LRP2: variants seen among roughly 807,000 people sequenced by gnomAD.
The protein encoded by LRP2 is LDL receptor related protein 2.
LRP2 carries 172 observed loss-of-function variants against 531.0 expected under a neutral mutation model. The ratio of observed to expected loss-of-function variants is 0.32; its 90% CI spans 0.29 to 0.37. LRP2 has a LOEUF of 0.37. Ranked by LOEUF, LRP2 falls within the 10% of genes least tolerant of loss-of-function variation. LRP2 has a pLI of 1.00. For synonymous variants in LRP2, 1,992 were observed against 2,027.6 expected, an observed-to-expected ratio of 0.98 and a Z score of 0.47; for missense variants, 5,167 against 5,868.3, an observed-to-expected ratio of 0.88 and a Z score of 3.90.
chr2:169,219,399 G>C lies in LRP2; in HGVS notation c.5648+1055C>G, dbSNP rs574269165. Among the ~76,000 whole-genome samples, 6 of 152,146 alleles carry C rather than the reference G, an allele frequency of 3.9e-5. No individual in the cohort carries two copies. The South Asian group carries it at 1.2e-3, about 32-fold the overall frequency. ...ATTTGTTATTCTGGTTTATAATATG[G>C]TATAGTAGATCAACAGAATGAAATA... On this transcript the variant is annotated intron_variant, in intron 34 of 78. Transcript: ENST00000649046.
At chr2:169,210,903 A>T (rs1052023582) in intron 37 of LRP2, among the ~76,000 whole-genome samples, 1 of 152,246 alleles carries the variant, frequency 6.6e-6, no homozygotes, top group African/African-American at 2.4e-5. Context: ...ACACACACAC[A>T]TACAAATTGA....
At chr2:169,247,558 A>T (rs757650797) in intron 19 of LRP2, 43 bp from the exon 20 acceptor site, 1 of 1,607,554 alleles carries the variant, frequency 6.2e-7, no homozygotes, top group Non-Finnish European at 8.5e-7. Context: ...AGTCACAGCT[A>T]ACTTATAAAT....
chr2:169,237,306 A>G lies in LRP2; in HGVS notation c.4507-19T>C. The G allele has an allele frequency of 6.4e-7, 1 of 1,573,640 alleles. No homozygotes were observed. The highest frequency in any genetic ancestry group is 1.3e-5 in the African/African-American group (1 of 74,248). ...CAAATACCTAAAGACAAAAGTGAATAAAGAGTGAATTCTAGAGCAAATAAA... is the reference window on the plus strand; with the variant it reads ...CAAATACCTAAAGACAAAAGTGAATGAAGAGTGAATTCTAGAGCAAATAAA... On this transcript the variant is annotated intron_variant, in intron 27 of 78. Coordinates refer to ENST00000649046, the MANE Select transcript of LRP2 (RefSeq NM_004525.3).
chr2:169,197,056 C>A, intron 45 of LRP2, 26 bp from the exon 46 acceptor site: 1 of 1,612,388 alleles, frequency 6.2e-7, no homozygotes, highest in Non-Finnish European at 8.5e-7. Flanking sequence ...AAGATAAAAC[C>A]CATGAGCAAA....
At chr2:169,243,800 G>C (rs181036182) in intron 22 of LRP2, among the ~76,000 whole-genome samples, 1 of 152,154 alleles carries the variant, frequency 6.6e-6, no homozygotes, top group East Asian at 1.9e-4. Context: ...TCATGTGCTT[G>C]GACTTGGACT....
Position 169,238,315 on chromosome 2 carries a change from A to G in LRP2, c.4295-13T>C. Reference sequence around the variant, plus strand: ...AGACTCTCAGATGCTGTTCAAGAAAAAAATGCAAAAATGTCAATGATACTG... The same window carrying G: ...AGACTCTCAGATGCTGTTCAAGAAAGAAATGCAAAAATGTCAATGATACTG... On this transcript the variant is annotated splice_polypyrimidine_tract_variant and intron_variant, in intron 26 of 78. Coordinates refer to ENST00000649046, the MANE Select transcript of LRP2 (RefSeq NM_004525.3). 1 of 1,570,812 alleles carries G rather than the reference A, an allele frequency of 6.4e-7. No homozygotes were observed. The highest frequency in any genetic ancestry group is 8.8e-7 in the Non-Finnish European group (1 of 1,140,798).
In LRP2 at chr2:169,246,565, C is replaced by T. The variant is rs951286381; in HGVS notation, c.3190+140G>A. 9.8e-6 allele frequency: 10 copies of T among 1,015,958 alleles called. No individual in the cohort carries two copies. In the African/African-American group the frequency reaches 1.3e-4, roughly 13 times the overall value. The allele number at this position is 1,015,958 out of a possible 1,614,324, so 62.9% of individuals were successfully genotyped here. A position where few individuals can be genotyped will look rare whatever the true frequency, so the allele number is the denominator to read the frequency against. On this transcript the variant is annotated intron_variant, in intron 21 of 78. Coordinates refer to ENST00000649046, the MANE Select transcript of LRP2 (RefSeq NM_004525.3). The stretch of plus-strand genomic sequence containing the variant: ...AATTTCTTGCTTAGCTTCCTAAAAG[C>T]CTTCAAAGTGCATGTTAAGAATCTG...
chr2:169,355,311 A>G (rs944755598), intron 1 of LRP2, among the ~76,000 whole-genome samples: 1 of 152,224 alleles, frequency 6.6e-6, no homozygotes, highest in Non-Finnish European at 1.5e-5. Flanking sequence ...AAATTTCTGT[A>G]GCTTTTTCAA....
At chr2:169,358,036 T>G (rs1164895497) in intron 1 of LRP2, among the ~76,000 whole-genome samples, 1 of 152,164 alleles carries the variant, frequency 6.6e-6, no homozygotes, top group Admixed American at 6.5e-5. Context: ...AAGCGCATGG[T>G]ACATGGTTGT....
chr2:169,164,730 G>A (rs1294891809), intron 62 of LRP2, among the ~76,000 whole-genome samples: 3 of 152,186 alleles, frequency 2.0e-5, no homozygotes, highest in Admixed American at 2.0e-4. Flanking sequence ...TTGAAATGTT[G>A]CAGGTTGCTT....
intron 64 of LRP2, 51 bp from the exon 65 acceptor site, chr2:169,156,456 T>C (rs1686335082): frequency 6.2e-7 from 1 of 1,609,962 alleles, no homozygotes; most frequent in Non-Finnish European, 8.5e-7. Context: ...ATCCATTCCT[T>C]AGAGATCTTG....
At position 169,198,793 on chromosome 2, in the gene LRP2, A is replaced by G. The variant is rs1435671760; in HGVS notation, c.8571T>C (p.Thr2857=). ...CAGTTTTATCTTACTCACTGCAATA[A>G]GTAGGGTTTTCATCACTGTTATCTC... ...DCGDNSDENP[T]YCTTHTCSSS... Residue 2857 remains threonine (T), a synonymous_variant, in exon 45 of 79, where the codon ACT becomes ACC. Transcript: ENST00000649046. 6.2e-7 allele frequency: 1 copy of G among 1,613,810 alleles called. No individual in the cohort carries two copies. The highest frequency in any genetic ancestry group is 2.2e-5 in the East Asian group (1 of 44,870).
In LRP2 at chr2:169,193,771, C is replaced by T. The variant is rs763689244; in HGVS notation, c.8820G>A (p.Arg2940=). The stretch of plus-strand genomic sequence containing the variant: ...ATTGGCTTCACTTACGACACTGGTG[C>T]CTTTTATCCTCGTCACTCATATCCC... The part of the protein sequence containing the change: ...DCGDMSDEDK[R]HQCQNQNCSD... The change falls in exon 47 of 79, where the codon AGG becomes AGA. Residue 2940 remains arginine (R), a synonymous_variant. Transcript: ENST00000649046. 3.0e-5 allele frequency: 49 copies of T among 1,614,052 alleles called. No homozygotes were observed. Among genetic ancestry groups the T allele is most frequent in the Non-Finnish European group, 4.0e-5 (47 of 1,180,024 alleles).
At chr2:169,218,118 C>G (rs1051614845) in intron 34 of LRP2, among the ~76,000 whole-genome samples, 5 of 152,182 alleles carry the variant, frequency 3.3e-5, no homozygotes, top group Admixed American at 3.3e-4. Flanking sequence ...ACAACTTTAT[C>G]AAGACTTTCT....
chr2:169,246,906 C>T lies in LRP2; in HGVS notation c.2989G>A (p.Val997Met), dbSNP rs1690028908. ...CTCATTCCATAAGGGCACCCACACA[C>T]TCGCTGGAAATTTGGCACCGGGAAG... ...FCFPVPNFQR[V>M]CGCPYGMRLA... The change falls in exon 21 of 79, where the codon GTG becomes ATG. Residue 997 changes from valine (V) to methionine (M), a missense_variant. This residue lies in a region of LRP2 where 2,811 missense variants were observed against 3,058.0 expected (regional missense o/e 0.92). Coordinates refer to ENST00000649046, the MANE Select transcript of LRP2 (RefSeq NM_004525.3). 2.5e-6 allele frequency: 4 copies of T among 1,614,232 alleles called. No homozygotes were observed. The highest frequency in any genetic ancestry group is 1.3e-5 in the African/African-American group (1 of 75,060).
chr2:169,359,277 A>G (rs1238841734), intron 1 of LRP2, among the ~76,000 whole-genome samples: 1 of 152,198 alleles, frequency 6.6e-6, no homozygotes, highest in African/African-American at 2.4e-5. Context: ...TCACACAGCT[A>G]GAAAGTGGTA....
At position 169,206,043 on chromosome 2, in the gene LRP2, A is replaced by T. The variant is rs1249771247; in HGVS notation, c.7536T>A (p.Ile2512=). 2 of 1,614,204 alleles carry T rather than the reference A, an allele frequency of 1.2e-6. No individual in the cohort carries two copies. Among genetic ancestry groups the T allele is most frequent in the East Asian group, 4.5e-5 (2 of 44,884 alleles). The change falls in exon 40 of 79, where the codon ATT becomes ATA. Residue 2512 remains isoleucine, a synonymous_variant. Coordinates refer to ENST00000649046, the MANE Select transcript of LRP2 (RefSeq NM_004525.3). ...CATACCCTTGGCAGGGATCTAACACAATTGCTCTTGGTTTTGGAACGCGGG... is the reference window on the plus strand; with the variant it reads ...CATACCCTTGGCAGGGATCTAACACTATTGCTCTTGGTTTTGGAACGCGGG... ...VIARVPKPRA[I]VLDPCQGYLY...
At chr2:169,166,178 A>G (rs1374992846) in intron 61 of LRP2, 124 bp from the exon 62 acceptor site, 2 of 961,842 alleles carry the variant, frequency 2.1e-6, no homozygotes, top group Non-Finnish European at 3.3e-6. Context: ...TCATTTGATT[A>G]ATCAATCAGC....
intron 9 of LRP2, among the ~76,000 whole-genome samples, chr2:169,283,584 G>A (rs1683764725): frequency 6.6e-6 from 1 of 152,162 alleles, no homozygotes; most frequent in South Asian, 2.1e-4. Flanking sequence ...CAGCCCCTCA[G>A]GAAGAAACAA....
Sources: gnomAD v4.1 joint callset for allele counts (sites outside exome capture counted in the v4.1 genomes callset) on GRCh38, gnomAD v4.1.1 for gene constraint, gnomAD v4.1.1 regional missense constraint, MANE v1.5 for transcripts, NCBI Gene and HGNC (gene_info 2026-07-23, HGNC 2026-07-21) for gene names.